PPP6R2: variants seen among roughly 807,000 people sequenced by gnomAD.
The protein encoded by PPP6R2 is serine/threonine-protein phosphatase 6 regulatory subunit 2.
A neutral mutation model predicts 100.2 loss-of-function variants in PPP6R2; 62 were observed. That is an observed-to-expected ratio of 0.62 (90% CI 0.50 to 0.76). PPP6R2 has a LOEUF of 0.76. Ranked by LOEUF, PPP6R2 falls within the 30% of genes least tolerant of loss-of-function variation. PPP6R2 has a pLI of 0.00. For synonymous variants in PPP6R2, 525 were observed against 514.7 expected (o/e 1.02, Z -0.27); for missense variants, 1,142 against 1,276.3 (o/e 0.89, Z 1.60).
intron 2 of PPP6R2, among the ~76,000 whole-genome samples, chr22:50,387,783 G>A (rs887667974): frequency 6.6e-6 from 1 of 152,312 alleles, no homozygotes; most frequent in African/African-American, 2.4e-5. Context: ...GCCCTCTGTG[G>A]GCACAGTGAC....
At chr22:50,387,177 C>T (rs2054428132) in intron 2 of PPP6R2, among the ~76,000 whole-genome samples, 2 of 152,164 alleles carry the variant, frequency 1.3e-5, no homozygotes, top group African/African-American at 4.8e-5. Flanking sequence ...CCCCCTGCCT[C>T]AGGCTCCCGG....
intron 1 of PPP6R2, among the ~76,000 whole-genome samples, chr22:50,347,542 G>A (rs900057619): frequency 6.6e-6 from 1 of 151,456 alleles, no homozygotes; most frequent in Non-Finnish European, 1.5e-5. Flanking sequence ...CCCCCGACCT[G>A]CCACTCTGTG....
At chr22:50,433,543 C>T (rs370437274) in intron 12 of PPP6R2, among the ~76,000 whole-genome samples, 8 of 78,680 alleles carry the variant, frequency 1.0e-4, no homozygotes, top group Non-Finnish European at 1.3e-4. Flanking sequence ...GGGCTGGGGG[C>T]GCGGACGCTG....
At chr22:50,385,009 A>G (rs763305757) in intron 2 of PPP6R2, among the ~76,000 whole-genome samples, 5 of 152,034 alleles carry the variant, frequency 3.3e-5, no homozygotes, top group Non-Finnish European at 7.4e-5. Context: ...TTAGCCTTCC[A>G]TAGTTCTGGG....
At chr22:50,394,379 G>C (rs2056290345) in intron 3 of PPP6R2, among the ~76,000 whole-genome samples, 1 of 152,030 alleles carries the variant, frequency 6.6e-6, no homozygotes, top group Admixed American at 6.6e-5. Flanking sequence ...TGGATTAATT[G>C]AGCCCAGAAA....
At chr22:50,332,694 G>C in the PPP6R2 span, among the ~76,000 whole-genome samples, 4 of 150,504 alleles carry the variant, frequency 2.7e-5, no homozygotes, top group African/African-American at 9.9e-5. Flanking sequence ...CGTGATCTTG[G>C]CTCACTGCAG....
At chr22:50,337,219 GGTA>G in the PPP6R2 span, among the ~76,000 whole-genome samples, 1 of 119,924 alleles carries the variant, frequency 8.3e-6, no homozygotes, top group African/African-American at 3.5e-5. Flanking sequence ...GTGTGTGTGG[GGTA>G]TGTGTGTGGT....
intron 22 of PPP6R2, 28 bp from the exon 23 acceptor site, chr22:50,443,838 G>C (rs748229297): frequency 6.5e-7 from 1 of 1,550,378 alleles, no homozygotes; most frequent in South Asian, 1.2e-5. Flanking sequence ...GGGGGTGCCC[G>C]TAACCGGAGT....
At chr22:50,338,844 GGT>G (rs1363441274), upstream of PPP6R2, among the ~76,000 whole-genome samples, 12 of 130,824 alleles carry the variant, frequency 9.2e-5, no homozygotes, top group African/African-American at 3.2e-4. Context: ...GTGTGTGTGT[GGT>G]GTGTGGTGTG....
intron 2 of PPP6R2, among the ~76,000 whole-genome samples, chr22:50,375,402 A>T (rs1363828074): frequency 6.6e-6 from 1 of 152,210 alleles, no homozygotes; most frequent in Non-Finnish European, 1.5e-5. Flanking sequence ...GCATTTGCTC[A>T]TGTGGACAAA....
chr22:50,363,277 C>G (rs2048138688), intron 1 of PPP6R2, among the ~76,000 whole-genome samples: 1 of 152,158 alleles, frequency 6.6e-6, no homozygotes, highest in East Asian at 1.9e-4. Flanking sequence ...CACTTAGCAT[C>G]TTGCCTTGTT....
chr22:50,381,004 A>G (rs891233596), intron 2 of PPP6R2, among the ~76,000 whole-genome samples: 1 of 149,022 alleles, frequency 6.7e-6, no homozygotes, highest in African/African-American at 2.5e-5. Flanking sequence ...AAAAAAAAAA[A>G]TTAGCTGGGC....
At position 50,418,967 on chromosome 22, in the gene PPP6R2, C is replaced by G; in HGVS notation, c.719C>G (p.Thr240Arg). ...QEALEPDPLL[T>R]ALESQDCVEQ... ...GCTCTGGAGCCAGACCCGCTCCTCACAGCGCTGGAGTCGTGAGTGCTGGTG... is the reference window on the plus strand; with the variant it reads ...GCTCTGGAGCCAGACCCGCTCCTCAGAGCGCTGGAGTCGTGAGTGCTGGTG... Residue 240 changes from threonine to arginine, a missense_variant, in exon 7 of 24, where the codon ACA (threonine) becomes AGA (arginine). Physicochemically the swap from Thr to Arg is moderately conservative, Grantham distance 71 (BLOSUM62 -1). This residue lies in a region of PPP6R2 where 592 missense variants were observed against 758.9 expected (regional missense o/e 0.78). Transcript: ENST00000612753. 6.2e-7 allele frequency: 1 copy of G among 1,613,250 alleles called. No individual in the cohort carries two copies. Among genetic ancestry groups the G allele is most frequent in the Non-Finnish European group, 8.5e-7 (1 of 1,179,274 alleles).
At chr22:50,425,379 T>G (rs2061953365) in intron 10 of PPP6R2, among the ~76,000 whole-genome samples, 1 of 152,254 alleles carries the variant, frequency 6.6e-6, no homozygotes. Flanking sequence ...GGCCACATTC[T>G]GTCCATTCAT....
At chr22:50,424,404 T>C (rs111930525) in intron 10 of PPP6R2, among the ~76,000 whole-genome samples, 6,062 of 59,946 alleles carry the variant, frequency 0.1, 174 homozygotes, top group East Asian at 0.19. Context: ...GGTCCGTCAG[T>C]GTGTGGAAGG....
chr22:50,440,063 G>A lies in PPP6R2; in HGVS notation c.2374+14G>A, dbSNP rs1255259924. 6.2e-7 allele frequency: 1 copy of A among 1,604,334 alleles called. No individual in the cohort carries two copies. Among genetic ancestry groups the A allele is most frequent in the Non-Finnish European group, 8.5e-7 (1 of 1,173,402 alleles). On this transcript the variant is annotated intron_variant, in intron 21 of 23. Coordinates refer to ENST00000612753, the MANE Select transcript of PPP6R2 (RefSeq NM_001242898.2). ...CTGAGAAAGCCTGTGAGTAGGAGCAGTGCAGGCGGCACCCAGCCTTGCCCA... is the reference window on the plus strand; with the variant it reads ...CTGAGAAAGCCTGTGAGTAGGAGCAATGCAGGCGGCACCCAGCCTTGCCCA...
chr22:50,360,588 T>C (rs2047597140), intron 1 of PPP6R2, among the ~76,000 whole-genome samples: 1 of 152,146 alleles, frequency 6.6e-6, no homozygotes, highest in African/African-American at 2.4e-5. Context: ...GGTCTTGAAC[T>C]CCTGGCTTCA....
chr22:50,430,904 A>C (rs1170569521), intron 10 of PPP6R2, among the ~76,000 whole-genome samples: 1 of 150,658 alleles, frequency 6.6e-6, no homozygotes, highest in Non-Finnish European at 1.5e-5. Context: ...ATAAACCCGC[A>C]GAAAGTAGAA....
At chr22:50,375,552 A>G (rs1163521362) in intron 2 of PPP6R2, among the ~76,000 whole-genome samples, 1 of 152,162 alleles carries the variant, frequency 6.6e-6, no homozygotes, top group East Asian at 1.9e-4. Context: ...AGGGCAGACT[A>G]GAGGCACATG....
Sources: gnomAD v4.1 joint callset for allele counts (sites outside exome capture counted in the v4.1 genomes callset) on GRCh38, gnomAD v4.1.1 for gene constraint, gnomAD v4.1.1 regional missense constraint, MANE v1.5 for transcripts, NCBI Gene and HGNC (gene_info 2026-07-23, HGNC 2026-07-21) for gene names.